HNRNPA0: variants seen among roughly 807,000 people sequenced by gnomAD.
The protein encoded by HNRNPA0 is hnRNA binding protein.
For missense variants in HNRNPA0, 252 were observed against 433.7 expected (o/e 0.58, Z 3.72); for synonymous variants, 243 against 195.5 (o/e 1.24, Z -2.03).
chr5:137,753,389 G>A lies in HNRNPA0; in HGVS notation c.678C>T (p.Gly226=), dbSNP rs1430726206. ...CGTAGGCATTGTAGCCGCCGCCTCC[G>A]CCGCCGCCGTAACCACCGTAGCTGT... ...GYNSYGGYGG[G]GGGGYNAYGG... Residue 226 remains glycine, a synonymous_variant, in exon 1 of 1, where the codon GGC becomes GGT. Coordinates refer to ENST00000314940, the MANE Select transcript of HNRNPA0 (RefSeq NM_006805.4). The surrounding 1 kb of genome is among the most constrained non-coding windows in gnomAD (Gnocchi z 6.1). The A allele has an allele frequency of 1.9e-6, 3 of 1,546,044 alleles. No homozygotes were observed. The highest frequency in any genetic ancestry group is 1.2e-5 in the South Asian group (1 of 84,262).
In HNRNPA0 at chr5:137,754,142, C is replaced by T; in HGVS notation, c.-76G>A. The T allele has an allele frequency of 6.7e-7, 1 of 1,498,584 alleles. No individual in the cohort carries two copies. Among genetic ancestry groups the T allele is most frequent in the Non-Finnish European group, 8.9e-7 (1 of 1,123,532 alleles). The allele number at this position is 1,498,584 out of a possible 1,614,324, so 92.8% of individuals were successfully genotyped here. A position where few individuals can be genotyped will look rare whatever the true frequency, so the allele number is the denominator to read the frequency against. ...TCGCCGCCGTTATCGTTGGTTAAGG[C>T]CTCTACACAGCTTGGGCCCAGCCGT... is the stretch of plus-strand genomic sequence containing the variant. On this transcript the variant is annotated 5_prime_UTR_variant, in exon 1 of 1. Transcript: ENST00000314940.
chr5:137,753,346 A>AACC lies in HNRNPA0; in HGVS notation c.718_720dup (p.Gly240dup). 3 of 1,549,060 alleles carry AACC rather than the reference A, an allele frequency of 1.9e-6. No individual in the cohort carries two copies. Among genetic ancestry groups the AACC allele is most frequent in the South Asian group, 1.2e-5 (1 of 84,894 alleles). The stretch of plus-strand genomic sequence containing the variant: ...CCGTAGTCGCTCCCACCGTAGGACG[A>AACC]ACCGCCGCCGCCGCCTCCGTAGGCA... On this transcript the variant is annotated inframe_insertion, in exon 1 of 1. Transcript: ENST00000314940. This position sits in a 1 kb window ranked among gnomAD's most constrained non-coding sequence, Gnocchi z 6.1.
In HNRNPA0 at chr5:137,753,211, T is replaced by A. The variant is rs1266388241; in HGVS notation, c.856A>T (p.Asn286Tyr). 6.2e-7 allele frequency: 1 copy of A among 1,613,570 alleles called. No individual in the cohort carries two copies. The highest frequency in any genetic ancestry group is 8.5e-7 in the Non-Finnish European group (1 of 1,179,980). The change falls in exon 1 of 1, where the codon AAT (asparagine) becomes TAT (tyrosine). Residue 286 changes from asparagine to tyrosine, a missense_variant. By Grantham distance (143) the Asn-to-Tyr change is moderately radical. Coordinates refer to ENST00000314940, the MANE Select transcript of HNRNPA0 (RefSeq NM_006805.4). The surrounding 1 kb of genome is among the most constrained non-coding windows in gnomAD (Gnocchi z 6.1). The stretch of plus-strand genomic sequence containing the variant: ...TAGCCGCCTCTGTAAGGTCCACTAT[T>A]ACTGCGACCGCCCCAGCTACTGCCT... ...GGGSSWGGRS[N>Y]SGPYRGGYGG...
Position 137,746,629 on chromosome 5 carries a change from T to G in HNRNPA0, c.*6520A>C, listed in dbSNP as rs1465926324. The stretch of plus-strand genomic sequence containing the variant: ...ATACCACCTATTTTAAAGTATGCTA[T>G]CCTCACAAACATCCCTTGCAACAAT... On this transcript the variant is annotated 3_prime_UTR_variant, in exon 1 of 1. Coordinates refer to ENST00000314940, the MANE Select transcript of HNRNPA0 (RefSeq NM_006805.4). 6.6e-6 allele frequency: 1 copy of G among 152,214 alleles called. No homozygotes were observed. The highest frequency in any genetic ancestry group is 2.4e-5 in the African/African-American group (1 of 41,456). 9.4% of individuals were successfully genotyped at this position (152,214 alleles called of 1,614,324 possible). A position where few individuals can be genotyped will look rare whatever the true frequency, so the allele number is the denominator to read the frequency against.
chr5:137,753,457 G>C lies in HNRNPA0; in HGVS notation c.610C>G (p.Arg204Gly), dbSNP rs933706352. 6.4e-7 allele frequency: 1 copy of C among 1,560,024 alleles called. No homozygotes were observed. Among genetic ancestry groups the C allele is most frequent in the Non-Finnish European group, 8.7e-7 (1 of 1,151,998 alleles). Residue 204 changes from arginine (R) to glycine (G), a missense_variant, in exon 1 of 1, where the codon CGA (arginine) becomes GGA (glycine). Arg to Gly is a moderately radical substitution (Grantham distance 125). Coordinates refer to ENST00000314940, the MANE Select transcript of HNRNPA0 (RefSeq NM_006805.4). This position sits in a 1 kb window ranked among gnomAD's most constrained non-coding sequence, Gnocchi z 6.1. ...CCCTTGGAAAGGCCGTTCTGGTCTC[G>C]ACCACCGCCGCGCCCCCGGCCGCCT... ...GRGGRGRGGG[R>G]DQNGLSKGGG...
rs1025854796 is a variant in HNRNPA0, at chr5:137,752,811, A to T, written c.*338T>A. ...GTTTTGCTACAGAATCAGCAAGTTC[A>T]CTCCCTCCCTCCCCCCAAAAAACAC... On this transcript the variant is annotated 3_prime_UTR_variant, in exon 1 of 1. Transcript: ENST00000314940. 6.7e-5 allele frequency: 8 copies of T among 118,554 alleles called. No individual in the cohort carries two copies. Among genetic ancestry groups the T allele is most frequent in the African/African-American group, 2.8e-4 (8 of 28,262 alleles). The allele number at this position is 118,554 out of a possible 1,614,324, so 7.3% of individuals were successfully genotyped here.
rs530436680 is a variant in HNRNPA0 at position 137,751,729 on chromosome 5, A to C, written c.*1420T>G. The C allele has an allele frequency of 3.0e-4, 46 of 152,722 alleles. No homozygotes were observed. Among genetic ancestry groups the C allele is most frequent in the African/African-American group, 1.1e-3 (44 of 41,554 alleles). 9.5% of individuals were successfully genotyped at this position (152,722 alleles called of 1,614,324 possible). On this transcript the variant is annotated 3_prime_UTR_variant, in exon 1 of 1. Coordinates refer to ENST00000314940, the MANE Select transcript of HNRNPA0 (RefSeq NM_006805.4). ...AAAGGGCTACAAATATACATTTGTTAACCAAGCAGAATACACAGATATTTT... is the reference window on the plus strand; with the variant it reads ...AAAGGGCTACAAATATACATTTGTTCACCAAGCAGAATACACAGATATTTT...
rs1447512870 is a variant in HNRNPA0, at chr5:137,746,409, A to T, written c.*6740T>A. The T allele has an allele frequency of 6.6e-6, 1 of 152,104 alleles. No homozygotes were observed. Among genetic ancestry groups the T allele is most frequent in the Non-Finnish European group, 1.5e-5 (1 of 68,016 alleles). The allele number at this position is 152,104 out of a possible 1,614,324, so 9.4% of individuals were successfully genotyped here. A position where few individuals can be genotyped will look rare whatever the true frequency, so the allele number is the denominator to read the frequency against. The stretch of plus-strand genomic sequence containing the variant: ...ATGATCTGGCCCCTCTGGCCTCATT[A>T]TTCCTTTCCTCCTCTTCCTTCAGGT... On this transcript the variant is annotated 3_prime_UTR_variant, in exon 1 of 1. Transcript: ENST00000314940.
At position 137,754,141 on chromosome 5, in the gene HNRNPA0, G is replaced by A. The variant is rs1053123278; in HGVS notation, c.-75C>T. 2.7e-6 allele frequency: 4 copies of A among 1,498,980 alleles called. No homozygotes were observed. The highest frequency in any genetic ancestry group is 3.6e-6 in the Non-Finnish European group (4 of 1,123,570). The allele number at this position is 1,498,980 out of a possible 1,614,324, so 92.9% of individuals were successfully genotyped here. ...GTCGCCGCCGTTATCGTTGGTTAAGGCCTCTACACAGCTTGGGCCCAGCCG... is the reference window on the plus strand; with the variant it reads ...GTCGCCGCCGTTATCGTTGGTTAAGACCTCTACACAGCTTGGGCCCAGCCG... On this transcript the variant is annotated 5_prime_UTR_variant, in exon 1 of 1. Transcript: ENST00000314940.
chr5:137,747,766 T>C lies in HNRNPA0; in HGVS notation c.*5383A>G, dbSNP rs923451533. Reference sequence around the variant, plus strand: ...CTACCATTATTGTTGCTCAAAAACCTTTAATGACTTTTACTGCCTACCCTA... The same window carrying C: ...CTACCATTATTGTTGCTCAAAAACCCTTAATGACTTTTACTGCCTACCCTA... On this transcript the variant is annotated 3_prime_UTR_variant, in exon 1 of 1. Transcript: ENST00000314940. The C allele has an allele frequency of 2.6e-5, 4 of 152,200 alleles. No homozygotes were observed. The highest frequency in any genetic ancestry group is 5.9e-5 in the Non-Finnish European group (4 of 68,024). 9.4% of individuals were successfully genotyped at this position (152,200 alleles called of 1,614,324 possible).
In HNRNPA0 at chr5:137,753,103, G is replaced by T. The variant is rs561448655; in HGVS notation, c.*46C>A. 1 of 1,560,130 alleles carries T rather than the reference G, an allele frequency of 6.4e-7. No homozygotes were observed. Among genetic ancestry groups the T allele is most frequent in the South Asian group, 1.2e-5 (1 of 83,386 alleles). On this transcript the variant is annotated 3_prime_UTR_variant, in exon 1 of 1. Transcript: ENST00000314940. The surrounding 1 kb of genome is among the most constrained non-coding windows in gnomAD (Gnocchi z 6.1). ...GGAGTTGACCCCACTTGGGCTGTTG[G>T]AAAGAGCTACCCCTATAGCCACTCC...
rs1050362398 is a variant in HNRNPA0 at position 137,750,306 on chromosome 5, T to A, written c.*2843A>T. The A allele has an allele frequency of 1.3e-5, 2 of 152,156 alleles. No homozygotes were observed. Among genetic ancestry groups the A allele is most frequent in the African/African-American group, 4.8e-5 (2 of 41,452 alleles). 9.4% of individuals were successfully genotyped at this position (152,156 alleles called of 1,614,324 possible). The stretch of plus-strand genomic sequence containing the variant: ...AAAAATCTAAAACTCAAAACACTTC[T>A]GGGCCCAAGAATTTCAGATAAGGAA... On this transcript the variant is annotated 3_prime_UTR_variant, in exon 1 of 1. Coordinates refer to ENST00000314940, the MANE Select transcript of HNRNPA0 (RefSeq NM_006805.4).
rs2149949210 is a variant in HNRNPA0, at chr5:137,753,787, G to A, written c.280C>T (p.His94Tyr). 1 of 1,610,622 alleles carries A rather than the reference G, an allele frequency of 6.2e-7. No individual in the cohort carries two copies. The highest frequency in any genetic ancestry group is 1.1e-5 in the South Asian group (1 of 91,084). Residue 94 changes from histidine (H) to tyrosine (Y), a missense_variant, in exon 1 of 1, where the codon CAC (histidine) becomes TAC (tyrosine). Coordinates refer to ENST00000314940, the MANE Select transcript of HNRNPA0 (RefSeq NM_006805.4). The surrounding 1 kb of genome is among the most constrained non-coding windows in gnomAD (Gnocchi z 6.1). ...ACAAAGAGCTTCTTAACCTTGGCGT[G>A]GGCACCGGGCCGCGCCGAATCCTCC... is the stretch of plus-strand genomic sequence containing the variant. ...SREDSARPGA[H>Y]AKVKKLFVGG... is the part of the protein sequence containing the mutation.
rs950165798 is a variant in HNRNPA0 at position 137,753,035 on chromosome 5, G to C, written c.*114C>G. The C allele has an allele frequency of 1.6e-6, 2 of 1,212,808 alleles. No individual in the cohort carries two copies. The highest frequency in any genetic ancestry group is 2.3e-6 in the Non-Finnish European group (2 of 873,240). 75.1% of individuals were successfully genotyped at this position (1,212,808 alleles called of 1,614,324 possible). The stretch of plus-strand genomic sequence containing the variant: ...GCAGCCTTAGAAGTGGCTCCCCCAA[G>C]GGCAAAACAGGGAAGGCGGTGTGTG... On this transcript the variant is annotated 3_prime_UTR_variant, in exon 1 of 1. Coordinates refer to ENST00000314940, the MANE Select transcript of HNRNPA0 (RefSeq NM_006805.4). The surrounding 1 kb of genome is among the most constrained non-coding windows in gnomAD (Gnocchi z 6.1).
chr5:137,754,195 A>C lies in HNRNPA0; in HGVS notation c.-129T>G. 1.6e-6 allele frequency: 2 copies of C among 1,228,996 alleles called. No homozygotes were observed. The highest frequency in any genetic ancestry group is 2.2e-6 in the Non-Finnish European group (2 of 903,170). The allele number at this position is 1,228,996 out of a possible 1,614,324, so 76.1% of individuals were successfully genotyped here. A position where few individuals can be genotyped will look rare whatever the true frequency, so the allele number is the denominator to read the frequency against. On this transcript the variant is annotated 5_prime_UTR_variant, in exon 1 of 1. Transcript: ENST00000314940. ...CTGGAGCCACCCCCGCCGCTCACCG[A>C]CGGGGAAGGGAAAAAGGGAAGGGGA...
Position 137,753,402 on chromosome 5 carries a change from C to A in HNRNPA0, c.665G>T (p.Gly222Val), listed in dbSNP as rs1449869927. ...GCCGCCGCCTCCGCCGCCGCCGTAA[C>A]CACCGTAGCTGTTGTAACCGCCGCC... ...GGGGGYNSYG[G>V]YGGGGGGGYN... The change falls in exon 1 of 1, where the codon GGT becomes GTT. Residue 222 changes from glycine to valine, a missense_variant. Gly to Val is a moderately radical substitution (Grantham distance 109). Coordinates refer to ENST00000314940, the MANE Select transcript of HNRNPA0 (RefSeq NM_006805.4). The surrounding 1 kb of genome is among the most constrained non-coding windows in gnomAD (Gnocchi z 6.1). The A allele has an allele frequency of 1.9e-6, 3 of 1,548,426 alleles. No individual in the cohort carries two copies. In the Admixed American group the frequency reaches 5.9e-5, roughly 30 times the overall value.
rs1339619784 is a variant in HNRNPA0, at chr5:137,751,129, G to C, written c.*2020C>G. ...GTATGGAAAGTGTACAACTATTTGA[G>C]AGCAAAGGATTTGACTATGTATTAC... On this transcript the variant is annotated 3_prime_UTR_variant, in exon 1 of 1. Coordinates refer to ENST00000314940, the MANE Select transcript of HNRNPA0 (RefSeq NM_006805.4). 1 of 152,066 alleles carries C rather than the reference G, an allele frequency of 6.6e-6. No individual in the cohort carries two copies. Among genetic ancestry groups the C allele is most frequent in the African/African-American group, 2.4e-5 (1 of 41,418 alleles). The allele number at this position is 152,066 out of a possible 1,614,324, so 9.4% of individuals were successfully genotyped here.
rs1045796680 is a variant in HNRNPA0, at chr5:137,746,481, C to A, written c.*6668G>T. 6.6e-6 allele frequency: 1 copy of A among 152,262 alleles called. No homozygotes were observed. The highest frequency in any genetic ancestry group is 1.5e-5 in the Non-Finnish European group (1 of 68,076). 9.4% of individuals were successfully genotyped at this position (152,262 alleles called of 1,614,324 possible). On this transcript the variant is annotated 3_prime_UTR_variant, in exon 1 of 1. Coordinates refer to ENST00000314940, the MANE Select transcript of HNRNPA0 (RefSeq NM_006805.4). ...CATTTCTTCAGAGGCCAGACACAGTCCTGCTTCAGGGCTTTTGCTCTTCCT... is the reference window on the plus strand; with the variant it reads ...CATTTCTTCAGAGGCCAGACACAGTACTGCTTCAGGGCTTTTGCTCTTCCT...
chr5:137,751,747 G>A lies in HNRNPA0; in HGVS notation c.*1402C>T, dbSNP rs1434277824. ...ATTTGTTAACCAAGCAGAATACACA[G>A]ATATTTTGCTTTACAACTTGCACCT... On this transcript the variant is annotated 3_prime_UTR_variant, in exon 1 of 1. Transcript: ENST00000314940. 2.0e-5 allele frequency: 3 copies of A among 152,586 alleles called. No homozygotes were observed. The highest frequency in any genetic ancestry group is 2.9e-5 in the Non-Finnish European group (2 of 68,040). 9.5% of individuals were successfully genotyped at this position (152,586 alleles called of 1,614,324 possible). A position where few individuals can be genotyped will look rare whatever the true frequency, so the allele number is the denominator to read the frequency against.
Sources: gnomAD v4.1 joint callset for allele counts on GRCh38, gnomAD v4.1.1 for gene constraint, Gnocchi (gnomAD v3.1) non-coding constraint, MANE v1.5 for transcripts, NCBI Gene and HGNC (gene_info 2026-07-23, HGNC 2026-07-21) for gene names.